DNAH5: variants seen among roughly 807,000 people sequenced by gnomAD.
DNAH5 encodes the protein dynein axonemal heavy chain 5.
A neutral mutation model predicts 518.2 loss-of-function variants in DNAH5; 372 were observed. The ratio of observed to expected loss-of-function variants is 0.72; its 90% CI spans 0.66 to 0.78. The LOEUF (loss-of-function observed/expected upper bound fraction) is 0.78, where lower values mean the gene tolerates loss of function less well. Among genes scored for constraint, DNAH5 ranks in the 30% least tolerant of loss-of-function variants. DNAH5 has a pLI of 0.00. For missense variants in DNAH5, 5,523 were observed against 5,687.0 expected (o/e 0.97, Z 0.93); for synonymous variants, 2,039 against 2,025.9 (o/e 1.01, Z -0.17).
intron 1 of DNAH5, among the ~76,000 whole-genome samples, chr5:13,936,111 CACAG>C (rs1778901870): frequency 6.6e-6 from 1 of 152,148 alleles, no homozygotes; most frequent in Non-Finnish European, 1.5e-5. Flanking sequence ...GCCAATCCTC[CACAG>C]ACAAAGGAGC....
rs745833724 is a variant in DNAH5, at chr5:13,824,240, T to C, written c.6538A>G (p.Ile2180Val). The change falls in exon 39 of 79, where the codon ATT becomes GTT. Residue 2180 changes from isoleucine (I) to valine (V), a missense_variant. By Grantham distance (29) the Ile-to-Val change is conservative. Coordinates refer to ENST00000265104, the MANE Select transcript of DNAH5 (RefSeq NM_001369.3). ...ATGTCCCGTAGTACACGCATGACAATCGTGGACTCCGTATCCATTGGATTG... is the reference window on the plus strand; with the variant it reads ...ATGTCCCGTAGTACACGCATGACAACCGTGGACTCCGTATCCATTGGATTG... ...RANPMDTEST[I>V]VMRVLRDMNL... 3 of 1,613,854 alleles carry C rather than the reference T, an allele frequency of 1.9e-6. No homozygotes were observed. Among genetic ancestry groups the C allele is most frequent in the South Asian group, 2.2e-5 (2 of 91,078 alleles).
At chr5:13,820,143 A>T (rs1762025073) in intron 41 of DNAH5, among the ~76,000 whole-genome samples, 1 of 152,170 alleles carries the variant, frequency 6.6e-6, no homozygotes. Context: ...GCAGTGCATA[A>T]AGTCACCTAA....
intron 47 of DNAH5, among the ~76,000 whole-genome samples, chr5:13,798,544 A>C (rs1296998399): frequency 6.6e-6 from 1 of 152,144 alleles, no homozygotes; most frequent in Admixed American, 6.5e-5. Context: ...AAGATAAAAT[A>C]AATTCTCCTT....
At chr5:13,717,284 T>C (rs1328637990) in intron 73 of DNAH5, 31 bp downstream of exon 73, 9 of 1,602,462 alleles carry the variant, frequency 5.6e-6, no homozygotes, top group Middle Eastern at 1.9e-4. Flanking sequence ...CCACAGCCAC[T>C]AGAGGCATGA....
chr5:13,776,454 C>G lies in DNAH5; in HGVS notation c.9358G>C (p.Asp3120His). The change falls in exon 55 of 79, where the codon GAT becomes CAT. Residue 3120 changes from aspartate (D) to histidine (H), a missense_variant. Transcript: ENST00000265104. ...TIDWFSRWPK[D>H]ALVAVSEHFL... ...CCATACTAACCAGCAACTAAAGCAT[C>G]TTTGGGCCATCGGCTGAACCAGTCA... 1 of 1,613,772 alleles carries G rather than the reference C, an allele frequency of 6.2e-7. No homozygotes were observed.
At position 13,872,296 on chromosome 5, in the gene DNAH5, C is replaced by G. The variant is rs192324650; in HGVS notation, c.3397-531G>C. On this transcript the variant is annotated intron_variant, in intron 22 of 78. Transcript: ENST00000265104. ...GGCATGAAGGACAAACAGAAAATAG[C>G]GAGCATCACTTCAATGAGAGATTGC... is the stretch of plus-strand genomic sequence containing the variant. Among the ~76,000 whole-genome samples, 6 of 152,146 alleles carry G rather than the reference C, an allele frequency of 3.9e-5. No homozygotes were observed. The East Asian group carries it at 9.7e-4, about 25-fold the overall frequency.
At chr5:13,819,141 A>G (rs1470606773) in intron 41 of DNAH5, among the ~76,000 whole-genome samples, 1 of 152,230 alleles carries the variant, frequency 6.6e-6, no homozygotes, top group Non-Finnish European at 1.5e-5. Context: ...TTGTTAACAG[A>G]AGGCAGCTTC....
rs552458966 is a variant in DNAH5 at position 13,786,227 on chromosome 5, G to A, written c.8772C>T (p.Ala2924=). The A allele has an allele frequency of 3.1e-5, 50 of 1,613,984 alleles. No individual in the cohort carries two copies. Among genetic ancestry groups the A allele is most frequent in the South Asian group, 1.9e-4 (17 of 91,076 alleles). The change falls in exon 52 of 79, where the codon GCC becomes GCT. Residue 2924 remains alanine (A), a synonymous_variant. Coordinates refer to ENST00000265104, the MANE Select transcript of DNAH5 (RefSeq NM_001369.3). ...LQLYNESIRG[A]GMDMVFFADA... ...CTGCAAAGAACACCATGTCCATGCC[G>A]GCGCCACGGATGCTCTCATTATAGA...
intron 78 of DNAH5, among the ~76,000 whole-genome samples, chr5:13,695,661 C>A (rs2126364498): frequency 6.6e-6 from 1 of 152,292 alleles, no homozygotes; most frequent in African/African-American, 2.4e-5. Flanking sequence ...ATTTCTCCAT[C>A]TGCAAAATGA....
At chr5:13,813,120 C>A (rs1473847511) in intron 43 of DNAH5, among the ~76,000 whole-genome samples, 1 of 152,144 alleles carries the variant, frequency 6.6e-6, no homozygotes, top group East Asian at 1.9e-4. Context: ...CATTTCCAAT[C>A]TGATTCTTCT....
At chr5:13,789,615 T>G (rs1011029968) in intron 50 of DNAH5, among the ~76,000 whole-genome samples, 1 of 152,240 alleles carries the variant, frequency 6.6e-6, no homozygotes, top group Non-Finnish European at 1.5e-5. Context: ...GATAGAATGC[T>G]ATCTGGTTGC....
intron 44 of DNAH5, 124 bp from the exon 45 acceptor site, chr5:13,810,384 G>T: frequency 2.4e-6 from 2 of 818,142 alleles, no homozygotes; most frequent in Non-Finnish European, 2.0e-6. Flanking sequence ...ACAAGGGAAA[G>T]GATGAATACA....
chr5:13,749,248 GA>G (rs35031085), intron 65 of DNAH5, among the ~76,000 whole-genome samples: 8 of 151,578 alleles, frequency 5.3e-5, no homozygotes, highest in South Asian at 2.1e-4. Context: ...TATTATGAAA[GA>G]AAAAAAATGA....
At chr5:13,925,126 A>G (rs1447415272) in intron 3 of DNAH5, among the ~76,000 whole-genome samples, 1 of 152,172 alleles carries the variant, frequency 6.6e-6, no homozygotes, top group Non-Finnish European at 1.5e-5. Flanking sequence ...AACCCTCATT[A>G]AAGGTAACTA....
intron 1 of DNAH5, among the ~76,000 whole-genome samples, chr5:13,972,700 G>A (rs548872299): frequency 8.5e-5 from 13 of 152,266 alleles, no homozygotes; most frequent in East Asian, 1.9e-4. Context: ...TCATGGGGCC[G>A]GCAGCAGCAA....
chr5:13,807,084 G>A (rs531592655), intron 47 of DNAH5, among the ~76,000 whole-genome samples: 2 of 152,190 alleles, frequency 1.3e-5, no homozygotes, highest in Non-Finnish European at 2.9e-5. Flanking sequence ...TCATGCAGAA[G>A]TGGATTACCT....
At chr5:13,899,983 C>A (rs899975489) in intron 15 of DNAH5, 1 of 561,706 alleles carries the variant, frequency 1.8e-6, no homozygotes, top group African/African-American at 1.9e-5. Context: ...CAATGGTTTC[C>A]TGGTACACTC....
chr5:13,780,810 T>C lies in DNAH5; in HGVS notation c.8951+19A>G. On this transcript the variant is annotated intron_variant, in intron 53 of 78. Coordinates refer to ENST00000265104, the MANE Select transcript of DNAH5 (RefSeq NM_001369.3). ...TTATCAAAATCCATGTTAGGTTTGT[T>C]AAAGTAAAAGGTTGTCACCTCGTCA... The C allele has an allele frequency of 6.2e-7, 1 of 1,613,012 alleles. No homozygotes were observed. Among genetic ancestry groups the C allele is most frequent in the East Asian group, 2.2e-5 (1 of 44,804 alleles).
intron 1 of DNAH5, among the ~76,000 whole-genome samples, chr5:14,007,373 C>T (rs1014955344): frequency 6.6e-6 from 1 of 152,082 alleles, no homozygotes; most frequent in Non-Finnish European, 1.5e-5. Flanking sequence ...TCCAAGCAGT[C>T]CAGAAAAGTC....
Sources: allele counts gnomAD v4.1 joint callset (sites outside exome capture counted in the v4.1 genomes callset), GRCh38; gene constraint gnomAD v4.1.1; transcripts MANE v1.5; gene names NCBI Gene and HGNC (gene_info 2026-07-23, HGNC 2026-07-21).